AGPS: variants seen among roughly 807,000 people sequenced by gnomAD.
The protein encoded by AGPS is alkylglycerone phosphate synthase, also known as alkyldihydroxyacetonephosphate synthase, peroxisomal.
A neutral mutation model predicts 90.7 loss-of-function variants in AGPS; 26 were observed. The observed-to-expected ratio is 0.29, with a 90% CI of 0.21 to 0.40. AGPS has a LOEUF of 0.40. Among genes scored for constraint, AGPS ranks in the 10% least tolerant of loss-of-function variants. AGPS has a pLI of 1.00. For synonymous variants in AGPS, 294 were observed against 285.3 expected (o/e 1.03, Z -0.31); for missense variants, 540 against 816.1 (o/e 0.66, Z 4.12).
intron 9 of AGPS, among the ~76,000 whole-genome samples, chr2:177,464,676 C>T (rs562235213): frequency 6.6e-6 from 1 of 152,358 alleles, no homozygotes; most frequent in African/African-American, 2.4e-5. Context: ...TGTCTCTTCA[C>T]TAACGGATTT....
intron 14 of AGPS, among the ~76,000 whole-genome samples, chr2:177,502,759 T>G (rs540502331): frequency 1.3e-5 from 2 of 152,162 alleles, no homozygotes; most frequent in Admixed American, 1.3e-4. Context: ...CTTGGAAATA[T>G]CTTCTTTTGG....
rs138211299 is a variant in AGPS at position 177,395,014 on chromosome 2, G to C, written c.260+1965G>C. Among the ~76,000 whole-genome samples the C allele has an allele frequency of 4.9e-3, 746 of 152,252 alleles. 5 individuals carry two copies. Among genetic ancestry groups the C allele is most frequent in the African/African-American group, 0.017 (705 of 41,538 alleles). On this transcript the variant is annotated intron_variant, in intron 1 of 19. Transcript: ENST00000264167. ...TAACTTGGTTACTGAGTGGTGGGGA[G>C]GGGAGGAATAAAGGATTTCATCTCG... is the stretch of plus-strand genomic sequence containing the variant.
chr2:177,485,426 G>A (rs7573086), intron 11 of AGPS, among the ~76,000 whole-genome samples: 2,573 of 152,144 alleles, frequency 0.017, 70 homozygotes, highest in African/African-American at 0.057. Context: ...TAAATAGTTG[G>A]TGTAATCTGA....
chr2:177,400,003 G>T lies in AGPS; in HGVS notation c.260+6954G>T, dbSNP rs554561323. On this transcript the variant is annotated intron_variant, in intron 1 of 19. Transcript: ENST00000264167. ...ACAATTTATCCATTCTGTTATTGAT[G>T]AACATTTAGGTGGTGGTTACTTTTG... Among the ~76,000 whole-genome samples, 68 of 152,274 alleles carry T rather than the reference G, an allele frequency of 4.5e-4. 1 individual carries two copies. The highest frequency in any genetic ancestry group is 1.6e-3 in the African/African-American group (67 of 41,554).
At chr2:177,421,897 T>C (rs1173832788) in intron 2 of AGPS, among the ~76,000 whole-genome samples, 2 of 152,120 alleles carry the variant, frequency 1.3e-5, no homozygotes, top group African/African-American at 4.8e-5. Flanking sequence ...AGGTATACAG[T>C]ATTTCTGTTT....
At chr2:177,458,225 C>T (rs898789791) in intron 8 of AGPS, among the ~76,000 whole-genome samples, 1 of 152,176 alleles carries the variant, frequency 6.6e-6, no homozygotes, top group African/African-American at 2.4e-5. Flanking sequence ...AAACCCACAG[C>T]CAATATCATA....
rs1313992794 is a variant in AGPS at position 177,542,826 on chromosome 2, C to T, written c.*4631C>T. 6.6e-6 allele frequency: 1 copy of T among 151,852 alleles called. No individual in the cohort carries two copies. Among genetic ancestry groups the T allele is most frequent in the Non-Finnish European group, 1.5e-5 (1 of 68,012 alleles). 9.4% of individuals were successfully genotyped at this position (151,852 alleles called of 1,614,324 possible). ...GCTACTTATACTATATCCCCAAAAGCTCACAGTGCCTTGTTGGGATTTTTT... is the reference window on the plus strand; with the variant it reads ...GCTACTTATACTATATCCCCAAAAGTTCACAGTGCCTTGTTGGGATTTTTT... On this transcript the variant is annotated 3_prime_UTR_variant, in exon 20 of 20. Transcript: ENST00000264167.
intron 8 of AGPS, among the ~76,000 whole-genome samples, chr2:177,460,251 A>T (rs1432846457): frequency 6.6e-6 from 1 of 152,136 alleles, no homozygotes; most frequent in Non-Finnish European, 1.5e-5. Flanking sequence ...CCACCATGGC[A>T]TGTGTATACC....
intron 17 of AGPS, 118 bp downstream of exon 17, chr2:177,514,026 C>A: frequency 1.3e-6 from 1 of 745,636 alleles, no homozygotes; most frequent in Non-Finnish European, 2.3e-6. Flanking sequence ...ATTTGGCCAG[C>A]TTTCCTAACC....
At chr2:177,520,464 AG>A (rs1689148140) in intron 17 of AGPS, among the ~76,000 whole-genome samples, 1 of 152,222 alleles carries the variant, frequency 6.6e-6, no homozygotes, top group Non-Finnish European at 1.5e-5. Flanking sequence ...GAAAGGAACC[AG>A]GTTTCTTGTT....
intron 10 of AGPS, among the ~76,000 whole-genome samples, chr2:177,479,539 G>C (rs773221816): frequency 2.0e-5 from 3 of 152,148 alleles, no homozygotes; most frequent in African/African-American, 7.2e-5. Context: ...CAACTGATGA[G>C]CAGATAAACG....
intron 8 of AGPS, among the ~76,000 whole-genome samples, chr2:177,455,092 C>T (rs1027655944): frequency 6.6e-6 from 1 of 152,042 alleles, no homozygotes; most frequent in Non-Finnish European, 1.5e-5. Flanking sequence ...CCAGGGAAGC[C>T]AAAAGGCTGG....
chr2:177,507,731 A>G (rs1411697999), intron 15 of AGPS, among the ~76,000 whole-genome samples: 1 of 152,240 alleles, frequency 6.6e-6, no homozygotes, highest in East Asian at 1.9e-4. Flanking sequence ...GCCCTGAGTC[A>G]GGCACTCTGC....
At chr2:177,454,551 C>G (rs190778979) in intron 8 of AGPS, among the ~76,000 whole-genome samples, 57 of 150,478 alleles carry the variant, frequency 3.8e-4, no homozygotes, top group Non-Finnish European at 6.2e-4. Context: ...GGTGTTTTCC[C>G]GCTTCTTTGT....
intron 1 of AGPS, among the ~76,000 whole-genome samples, chr2:177,395,581 C>T (rs1263696716): frequency 1.3e-5 from 2 of 152,216 alleles, no homozygotes; most frequent in African/African-American, 4.8e-5. Flanking sequence ...CTTCTACTTC[C>T]TACTTAGCTG....
At chr2:177,458,761 GTA>G (rs1286957977) in intron 8 of AGPS, among the ~76,000 whole-genome samples, 1 of 152,116 alleles carries the variant, frequency 6.6e-6, no homozygotes, top group Non-Finnish European at 1.5e-5. Flanking sequence ...AAAGTAATTT[GTA>G]GATGCAATGC....
Position 177,538,627 on chromosome 2 carries a change from T to A in AGPS, c.*432T>A. The stretch of plus-strand genomic sequence containing the variant: ...ATTCCACTGAGGAGTGATACACGTG[T>A]ACATTGTTTAAGAGCATAGTCTAGT... On this transcript the variant is annotated 3_prime_UTR_variant, in exon 20 of 20. Coordinates refer to ENST00000264167, the MANE Select transcript of AGPS (RefSeq NM_003659.4). The A allele has an allele frequency of 4.1e-6, 1 of 246,656 alleles. No homozygotes were observed. The allele number at this position is 246,656 out of a possible 1,614,324, so 15.3% of individuals were successfully genotyped here. A position where few individuals can be genotyped will look rare whatever the true frequency, so the allele number is the denominator to read the frequency against.
chr2:177,454,350 AT>A (rs1256453970), intron 8 of AGPS, among the ~76,000 whole-genome samples: 1 of 151,776 alleles, frequency 6.6e-6, no homozygotes, highest in Admixed American at 6.6e-5. Flanking sequence ...CATTAAATAT[AT>A]TTTTAATCTC....
At chr2:177,474,138 A>G (rs906448667) in intron 10 of AGPS, among the ~76,000 whole-genome samples, 3 of 152,206 alleles carry the variant, frequency 2.0e-5, no homozygotes, top group African/African-American at 7.2e-5. Flanking sequence ...AAATTTGGAT[A>G]TGTAGAAACA....
Sources: allele counts gnomAD v4.1 joint callset (sites outside exome capture counted in the v4.1 genomes callset), GRCh38; gene constraint gnomAD v4.1.1; transcripts MANE v1.5; gene names NCBI Gene and HGNC (gene_info 2026-07-23, HGNC 2026-07-21).